SLC24A3: variants seen among roughly 807,000 people sequenced by gnomAD.
The protein encoded by SLC24A3 is sodium/potassium/calcium exchanger 3.
A neutral mutation model predicts 75.8 loss-of-function variants in SLC24A3; 28 were observed. That is an observed-to-expected ratio of 0.37 (90% CI 0.27 to 0.51). The LOEUF (loss-of-function observed/expected upper bound fraction) is 0.51, where lower values mean the gene tolerates loss of function less well. SLC24A3 is among the 20% of genes least tolerant of loss of function. The probability of loss-of-function intolerance (pLI) is 0.94; values close to 1 mark genes in which losing one functional copy is unlikely to be tolerated. For missense variants in SLC24A3, 663 were observed against 847.8 expected, an observed-to-expected ratio of 0.78 and a Z score of 2.71; for synonymous variants, 372 against 334.1, an observed-to-expected ratio of 1.11 and a Z score of -1.24.
chr20:19,706,574 G>A (rs2032932415), intron 15 of SLC24A3, among the ~76,000 whole-genome samples: 1 of 152,086 alleles, frequency 6.6e-6, no homozygotes, highest in African/African-American at 2.4e-5. Flanking sequence ...AAGCACCCAA[G>A]GGCTGCTTCT....
intron 2 of SLC24A3, among the ~76,000 whole-genome samples, chr20:19,510,890 C>A (rs8120569): frequency 6.6e-6 from 1 of 152,140 alleles, no homozygotes; most frequent in African/African-American, 2.4e-5. Context: ...CCCAGACATG[C>A]GGATGGTTTC....
chr20:19,622,976 T>G (rs1280837740), intron 6 of SLC24A3, among the ~76,000 whole-genome samples: 2 of 152,150 alleles, frequency 1.3e-5, no homozygotes, highest in Admixed American at 6.6e-5. Context: ...AAAGTGAGAC[T>G]CACTCATTAT....
chr20:19,525,228 T>C (rs549907132), intron 3 of SLC24A3, among the ~76,000 whole-genome samples: 26 of 152,290 alleles, frequency 1.7e-4, no homozygotes, highest in African/African-American at 5.8e-4. Flanking sequence ...CCCAGGAACC[T>C]GGATATGCAG....
At chr20:19,337,466 AAATAAATT>A (rs34642051) in intron 2 of SLC24A3, among the ~76,000 whole-genome samples, 45,352 of 139,654 alleles carry the variant, frequency 0.32, 7,118 homozygotes, top group Middle Eastern at 0.45. Context: ...ATAAATAAAT[AAATAAATT>A]AATTAATTAA....
At chr20:19,375,039 C>T (rs6136698) in intron 2 of SLC24A3, among the ~76,000 whole-genome samples, 8,719 of 152,194 alleles carry the variant, frequency 0.057, 703 homozygotes, top group East Asian at 0.3. Flanking sequence ...ATAACTGATG[C>T]AACCACTCAT....
At chr20:19,613,736 T>C (rs1470777133) in intron 6 of SLC24A3, among the ~76,000 whole-genome samples, 2 of 152,166 alleles carry the variant, frequency 1.3e-5, no homozygotes. Context: ...AGAAGTGTAA[T>C]GAACAATGCT....
intron 2 of SLC24A3, among the ~76,000 whole-genome samples, chr20:19,416,892 C>T (rs1004721232): frequency 6.6e-6 from 1 of 152,130 alleles, no homozygotes; most frequent in Admixed American, 6.6e-5. Context: ...TGCCACCAGT[C>T]GTATAGCAAA....
intron 6 of SLC24A3, among the ~76,000 whole-genome samples, chr20:19,630,003 C>A (rs776416732): frequency 6.6e-6 from 1 of 152,056 alleles, no homozygotes; most frequent in Non-Finnish European, 1.5e-5. Flanking sequence ...AGTATAGAGT[C>A]CCATGGTATT....
intron 15 of SLC24A3, among the ~76,000 whole-genome samples, chr20:19,714,332 GAGTTCAAAGCTAC>G (rs2033020162): frequency 6.7e-6 from 1 of 148,772 alleles, no homozygotes. Context: ...TTGGGCACAG[GAGTTCAAAGCTAC>G]AGTGAGCTAT....
chr20:19,307,156 C>T (rs1209431126), intron 2 of SLC24A3, among the ~76,000 whole-genome samples: 1 of 152,186 alleles, frequency 6.6e-6, no homozygotes, highest in Non-Finnish European at 1.5e-5. Flanking sequence ...TGGATGAAAA[C>T]ATCCATCCTC....
intron 6 of SLC24A3, among the ~76,000 whole-genome samples, chr20:19,632,580 T>C (rs576256798): frequency 6.6e-6 from 1 of 152,320 alleles, no homozygotes; most frequent in South Asian, 2.1e-4. Context: ...CCCAACATCC[T>C]TACTTACTTC....
At chr20:19,690,707 T>C (rs1279726226) in intron 12 of SLC24A3, among the ~76,000 whole-genome samples, 3 of 152,166 alleles carry the variant, frequency 2.0e-5, no homozygotes, top group Admixed American at 1.3e-4. Context: ...TATCCTGGAT[T>C]CTGCAGCATC....
intron 2 of SLC24A3, among the ~76,000 whole-genome samples, chr20:19,391,917 G>T (rs958752009): frequency 1.3e-5 from 2 of 152,172 alleles, no homozygotes; most frequent in African/African-American, 2.4e-5. Context: ...TTGTCAGCAG[G>T]CAGGTAGCAA....
intron 3 of SLC24A3, among the ~76,000 whole-genome samples, chr20:19,562,323 C>T (rs2030887225): frequency 6.6e-6 from 1 of 152,096 alleles, no homozygotes; most frequent in Admixed American, 6.6e-5. Context: ...ACATCTTTCT[C>T]TTGAGTTCTG....
intron 1 of SLC24A3, among the ~76,000 whole-genome samples, chr20:19,271,092 C>T (rs755058561): frequency 3.3e-5 from 5 of 152,074 alleles, no homozygotes; most frequent in Non-Finnish European, 7.4e-5. Context: ...CTGGGCTCAG[C>T]CCTATAGGTC....
At chr20:19,559,862 C>T (rs973064021) in intron 3 of SLC24A3, among the ~76,000 whole-genome samples, 3 of 152,082 alleles carry the variant, frequency 2.0e-5, no homozygotes, top group Admixed American at 2.0e-4. Flanking sequence ...TAGATGAGGA[C>T]TTGGGTGAAG....
At chr20:19,662,034 G>A (rs2032332463) in intron 7 of SLC24A3, among the ~76,000 whole-genome samples, 2 of 152,186 alleles carry the variant, frequency 1.3e-5, no homozygotes, top group Admixed American at 6.5e-5. Context: ...ATTCATTCCT[G>A]TTGAACATTT....
intron 2 of SLC24A3, among the ~76,000 whole-genome samples, chr20:19,476,661 G>A (rs964028177): frequency 3.9e-5 from 6 of 152,236 alleles, no homozygotes; most frequent in East Asian, 1.9e-4. Flanking sequence ...ACATATTGTC[G>A]GAGAGAGTTA....
chr20:19,306,884 A>C (rs1400795950), intron 2 of SLC24A3, among the ~76,000 whole-genome samples: 1 of 152,134 alleles, frequency 6.6e-6, no homozygotes, highest in Non-Finnish European at 1.5e-5. Flanking sequence ...ACAAACAAAC[A>C]AACAAACAAA....
Sources: gnomAD v4.1 joint callset for allele counts (sites outside exome capture counted in the v4.1 genomes callset) on GRCh38, gnomAD v4.1.1 for gene constraint, MANE v1.5 for transcripts, NCBI Gene and HGNC (gene_info 2026-07-23, HGNC 2026-07-21) for gene names.